The following FOCAD variants were observed in gnomAD, a reference collection of about 807,000 sequenced individuals.
The protein encoded by FOCAD is KIAA1797.
In FOCAD, 198 loss-of-function variants were observed where a neutral mutation model predicts 225.6. The observed-to-expected ratio is 0.88, with a 90% CI of 0.78 to 0.99. The LOEUF (loss-of-function observed/expected upper bound fraction) is 0.99, where lower values mean the gene tolerates loss of function less well. FOCAD is among the 50% of genes least tolerant of loss of function. FOCAD has a pLI of 0.00. For missense variants in FOCAD, 2,713 were observed against 2,123.6 expected (o/e 1.28, Z -5.46); for synonymous variants, 897 against 755.0 (o/e 1.19, Z -3.08).
Position 20,956,185 on chromosome 9 carries a change from G to A in FOCAD, c.4132+3120G>A, listed in dbSNP as rs1238289878. Among the ~76,000 whole-genome samples the A allele has an allele frequency of 5.3e-5, 8 of 152,200 alleles. No homozygotes were observed. The East Asian group carries it at 1.5e-3, about 29-fold the overall frequency. The stretch of plus-strand genomic sequence containing the variant: ...AGTCATTTTTGAACTATTACCATGA[G>A]AGGTAATTGTTAAGAAGGAAATATG... On this transcript the variant is annotated intron_variant, in intron 35 of 43. Transcript: ENST00000338382.
intron 7 of FOCAD, among the ~76,000 whole-genome samples, chr9:20,765,931 C>T (rs935618108): frequency 1.9e-4 from 29 of 152,188 alleles, no homozygotes; most frequent in African/African-American, 6.0e-4. Flanking sequence ...TTTGTGTTAG[C>T]AGGGAGTGAC....
intron 21 of FOCAD, among the ~76,000 whole-genome samples, chr9:20,893,008 T>C (rs1831756059): frequency 1.3e-5 from 2 of 152,076 alleles, no homozygotes; most frequent in African/African-American, 4.8e-5. Flanking sequence ...TTTTTAGCAG[T>C]CAAATATTTA....
In FOCAD at chr9:20,675,064, A is replaced by G. The variant is rs1294888186; in HGVS notation, c.-78+16238A>G. Among the ~76,000 whole-genome samples the G allele has an allele frequency of 7.9e-5, 12 of 152,206 alleles. No individual in the cohort carries two copies. The East Asian group carries it at 1.2e-3, about 15-fold the overall frequency. ...GGGCAATTGACTTCTTCCTTGTAAG[A>G]CCCTCTTTTTCTGGTTAAAAAAGTT... On this transcript the variant is annotated intron_variant, in intron 2 of 45. Coordinates refer to the FOCAD transcript ENST00000380249.
intron 42 of FOCAD, among the ~76,000 whole-genome samples, chr9:20,992,267 A>C (rs1841738413): frequency 6.6e-6 from 1 of 152,194 alleles, no homozygotes; most frequent in Admixed American, 6.5e-5. Context: ...GGATTTATTC[A>C]TGGTTAACAT....
In FOCAD at chr9:20,874,785, C is replaced by T; in HGVS notation, c.2295C>T (p.Leu765=). ...PGSCYLKLLS[L]TPPLVLPALE... The stretch of plus-strand genomic sequence containing the variant: ...CTTGCTATCTCAAACTGTTGTCACT[C>T]ACTCCCCCTTTGGTTTTACCAGGTG... The change falls in exon 19 of 44, where the codon CTC becomes CTT. Residue 765 remains leucine (L), a synonymous_variant. Transcript: ENST00000338382. 1 of 1,613,596 alleles carries T rather than the reference C, an allele frequency of 6.2e-7. No homozygotes were observed. The highest frequency in any genetic ancestry group is 8.5e-7 in the Non-Finnish European group (1 of 1,179,694).
At chr9:20,966,004 T>A (rs1013737821) in intron 35 of FOCAD, among the ~76,000 whole-genome samples, 14 of 152,166 alleles carry the variant, frequency 9.2e-5, no homozygotes, top group African/African-American at 3.1e-4. Context: ...GTGTACAAGT[T>A]TTGGGTTGAA....
At chr9:20,727,928 T>C (rs990617461) in intron 4 of FOCAD, among the ~76,000 whole-genome samples, 11 of 152,166 alleles carry the variant, frequency 7.2e-5, no homozygotes, top group Non-Finnish European at 4.4e-5. Context: ...TTGGTATATT[T>C]TGAAAGCAAA....
chr9:20,708,807 C>T lies in FOCAD; in HGVS notation c.-32-6515C>T, dbSNP rs1235595697. Among the ~76,000 whole-genome samples the T allele has an allele frequency of 2.6e-5, 4 of 151,984 alleles. No individual in the cohort carries two copies. In the South Asian group the frequency reaches 8.3e-4, roughly 32 times the overall value. On this transcript the variant is annotated intron_variant, in intron 1 of 43. Coordinates refer to ENST00000338382, the MANE Select transcript of FOCAD (RefSeq NM_001375567.1). ...GGAAAAAAAAAAAAATTCTGTTTAGCCCTGAGTTTCAGCCATATGACTGCC... is the reference window on the plus strand; with the variant it reads ...GGAAAAAAAAAAAAATTCTGTTTAGTCCTGAGTTTCAGCCATATGACTGCC...
intron 35 of FOCAD, among the ~76,000 whole-genome samples, chr9:20,973,848 A>G (rs34394814): frequency 0.074 from 4,292 of 58,064 alleles, 601 homozygotes; most frequent in Middle Eastern, 0.1. Context: ...CCTTTTTCCT[A>G]TGCTTCTCAT....
At position 20,981,408 on chromosome 9, in the gene FOCAD, C is replaced by A; in HGVS notation, c.4378-18C>A. On this transcript the variant is annotated intron_variant, in intron 37 of 43. Transcript: ENST00000338382. Reference sequence around the variant, plus strand: ...AGACTTGCCTATTTACATTCAACCCCTTCTGTTTTACTTCCAGCTGAATAC... The same window carrying A: ...AGACTTGCCTATTTACATTCAACCCATTCTGTTTTACTTCCAGCTGAATAC... 2 of 1,612,170 alleles carry A rather than the reference C, an allele frequency of 1.2e-6. No individual in the cohort carries two copies. Among genetic ancestry groups the A allele is most frequent in the East Asian group, 2.2e-5 (1 of 44,868 alleles).
At chr9:20,744,406 T>C (rs1029374116) in intron 5 of FOCAD, among the ~76,000 whole-genome samples, 28 of 152,230 alleles carry the variant, frequency 1.8e-4, no homozygotes, top group African/African-American at 6.5e-4. Flanking sequence ...TTCTAAGCAG[T>C]CTTTTCTTTA....
intron 1 of FOCAD, among the ~76,000 whole-genome samples, chr9:20,700,853 A>G (rs943696002): frequency 2.0e-5 from 3 of 152,222 alleles, no homozygotes; most frequent in African/African-American, 7.2e-5. Context: ...TTCAGCAAAC[A>G]TTTATTAACT....
At chr9:20,742,344 A>G (rs960905401) in intron 5 of FOCAD, among the ~76,000 whole-genome samples, 1 of 152,208 alleles carries the variant, frequency 6.6e-6, no homozygotes, top group East Asian at 1.9e-4. Flanking sequence ...TAAAATGTGC[A>G]TCCTAATTAC....
rs114150028 is a variant in FOCAD, at chr9:20,754,075, T to G, written c.393-4015T>G. 6.8e-3 allele frequency among the ~76,000 whole-genome samples: 1,032 copies of G among 152,260 alleles called. 10 individuals are homozygous for G. The highest frequency in any genetic ancestry group is 0.023 in the African/African-American group (960 of 41,558). ...CAGTAATGCTTCCAATTTAAAGTTG[T>G]TAACTTGACTCAGTTAAATTGTGGA... On this transcript the variant is annotated intron_variant, in intron 5 of 43. Coordinates refer to ENST00000338382, the MANE Select transcript of FOCAD (RefSeq NM_001375567.1).
chr9:20,810,926 A>G (rs1822995618), intron 11 of FOCAD, among the ~76,000 whole-genome samples: 1 of 152,118 alleles, frequency 6.6e-6, no homozygotes, highest in African/African-American at 2.4e-5. Context: ...ACATACTAGG[A>G]AATTTATACC....
At chr9:20,704,583 G>T (rs1220054005) in intron 1 of FOCAD, among the ~76,000 whole-genome samples, 1 of 152,208 alleles carries the variant, frequency 6.6e-6, no homozygotes, top group African/African-American at 2.4e-5. Flanking sequence ...CCTTGAAAAT[G>T]AAGGAAGAAA....
intron 20 of FOCAD, among the ~76,000 whole-genome samples, chr9:20,882,464 A>G (rs1830757316): frequency 6.6e-6 from 1 of 152,230 alleles, no homozygotes; most frequent in South Asian, 2.1e-4. Flanking sequence ...AAGCTTCTGA[A>G]AGGCAAAGTG....
At chr9:20,713,650 T>C (rs1351465185) in intron 1 of FOCAD, among the ~76,000 whole-genome samples, 4 of 152,254 alleles carry the variant, frequency 2.6e-5, no homozygotes, top group South Asian at 2.1e-4. Context: ...TTCACTGATA[T>C]AACTCAAGCA....
chr9:20,968,092 T>A (rs1489994887), intron 35 of FOCAD, among the ~76,000 whole-genome samples: 1 of 152,164 alleles, frequency 6.6e-6, no homozygotes, highest in Non-Finnish European at 1.5e-5. Context: ...CTTGAACTTT[T>A]CTTTGTTGGG....
Sources: gnomAD v4.1 joint callset for allele counts (sites outside exome capture counted in the v4.1 genomes callset) on GRCh38, gnomAD v4.1.1 for gene constraint, MANE v1.5 for transcripts, NCBI Gene and HGNC (gene_info 2026-07-23, HGNC 2026-07-21) for gene names.